Variants in MYO5A observed in about 807,000 individuals in gnomAD.
MYO5A encodes the protein unconventional myosin-Va.
MYO5A carries 98 observed loss-of-function variants against 249.7 expected under a neutral mutation model. The observed-to-expected ratio is 0.39, with a 90% CI of 0.33 to 0.46. The LOEUF (loss-of-function observed/expected upper bound fraction) is 0.46. Ranked by LOEUF, MYO5A falls within the 20% of genes least tolerant of loss-of-function variation. The pLI is 0.98. For synonymous variants in MYO5A, 778 were observed against 810.6 expected (o/e 0.96, Z 0.68); for missense variants, 1,696 against 2,308.8 (o/e 0.73, Z 5.44).
chr15:52,346,156 C>T (rs533774528), intron 30 of MYO5A, among the ~76,000 whole-genome samples: 1 of 152,208 alleles, frequency 6.6e-6, no homozygotes, highest in East Asian at 1.9e-4. Flanking sequence ...GCACATTTTC[C>T]CTGACACCTT....
At position 52,338,014 on chromosome 15, in the gene MYO5A, G is replaced by A. The variant is rs373578121; in HGVS notation, c.4240-130C>T. Reference sequence around the variant, plus strand: ...AAACTATATATACTTGAAAGGCTCTGATTTGTCACCTTCCATTACCCTTTT... The same window carrying A: ...AAACTATATATACTTGAAAGGCTCTAATTTGTCACCTTCCATTACCCTTTT... On this transcript the variant is annotated intron_variant, in intron 32 of 41. Transcript: ENST00000399233. 1.5e-3 allele frequency: 933 copies of A among 612,644 alleles called. 18 individuals are homozygous for A. The South Asian group carries it at 0.021, about 14-fold the overall frequency. The allele number at this position is 612,644 out of a possible 1,614,324, so 38.0% of individuals were successfully genotyped here. A position where few individuals can be genotyped will look rare whatever the true frequency, so the allele number is the denominator to read the frequency against.
intron 9 of MYO5A, among the ~76,000 whole-genome samples, chr15:52,402,938 T>C (rs2042827509): frequency 6.6e-6 from 1 of 152,180 alleles, no homozygotes; most frequent in South Asian, 2.1e-4. Flanking sequence ...TTGTAGTACT[T>C]ATAGCTATCA....
At chr15:52,337,756 G>A (rs909880416) in intron 33 of MYO5A, 54 bp downstream of exon 33, 2 of 1,326,370 alleles carry the variant, frequency 1.5e-6, no homozygotes, top group African/African-American at 1.5e-5. Flanking sequence ...TTCAGTTACA[G>A]AGGGCTATAA....
intron 12 of MYO5A, among the ~76,000 whole-genome samples, chr15:52,390,529 C>G (rs942323489): frequency 2.7e-5 from 4 of 148,892 alleles, no homozygotes; most frequent in Non-Finnish European, 4.5e-5. Context: ...TTTCCTCCAA[C>G]TTAATTATTT....
At chr15:52,481,392 T>C (rs2076711959) in intron 1 of MYO5A, among the ~76,000 whole-genome samples, 1 of 152,256 alleles carries the variant, frequency 6.6e-6, no homozygotes, top group Non-Finnish European at 1.5e-5. Flanking sequence ...GTGTATATTC[T>C]ATTTCATACA....
In MYO5A at chr15:52,311,384, G is replaced by A. The variant is rs1299971952; in HGVS notation, c.*2312C>T. On this transcript the variant is annotated 3_prime_UTR_variant, in exon 42 of 42. Coordinates refer to ENST00000399233, the MANE Select transcript of MYO5A (RefSeq NM_001382347.1). ...ATGCTGTTAGATTCTGACACATTTG[G>A]TACGAACCAAATGGCTATGACTTAA... The A allele has an allele frequency of 6.6e-6, 1 of 152,148 alleles. No individual in the cohort carries two copies. The highest frequency in any genetic ancestry group is 6.5e-5 in the Admixed American group (1 of 15,276). The allele number at this position is 152,148 out of a possible 1,614,324, so 9.4% of individuals were successfully genotyped here. A position where few individuals can be genotyped will look rare whatever the true frequency, so the allele number is the denominator to read the frequency against.
chr15:52,335,585 A>G (rs2039081254), intron 34 of MYO5A, among the ~76,000 whole-genome samples: 1 of 151,686 alleles, frequency 6.6e-6, no homozygotes, highest in Non-Finnish European at 1.5e-5. Context: ...CCCTGTACCT[A>G]TAACTCTTAA....
intron 11 of MYO5A, among the ~76,000 whole-genome samples, chr15:52,394,183 T>C (rs576632487): frequency 4.5e-4 from 68 of 152,330 alleles, no homozygotes; most frequent in African/African-American, 1.5e-3. Flanking sequence ...AACAGCCCTA[T>C]GCAATCAAGT....
At position 52,314,123 on chromosome 15, in the gene MYO5A, C is replaced by T. The variant is rs758686588; in HGVS notation, c.5490G>A (p.Gln1830=). 1 of 1,602,984 alleles carries T rather than the reference C, an allele frequency of 6.2e-7. No homozygotes were observed. The highest frequency in any genetic ancestry group is 8.5e-7 in the Non-Finnish European group (1 of 1,170,708). The change falls in exon 41 of 42, where the codon CAG becomes CAA. Residue 1830 remains glutamine (Q), a splice_region_variant and synonymous_variant. Transcript: ENST00000399233. ...RVSVSFIRTI[Q]MRLRDRKDSP... ...CAAAGAAGAAGATGGGAGCTCTTAC[C>T]TGTATAGTACGAATGAACGACACAG...
chr15:52,346,262 T>C, intron 30 of MYO5A, 99 bp downstream of exon 30: 2 of 748,062 alleles, frequency 2.7e-6, no homozygotes, highest in South Asian at 1.5e-5. Flanking sequence ...ATGTCTAATA[T>C]AAAGGAATGT....
intron 11 of MYO5A, among the ~76,000 whole-genome samples, chr15:52,395,169 C>T (rs1401445622): frequency 6.6e-6 from 1 of 152,156 alleles, no homozygotes; most frequent in East Asian, 1.9e-4. Flanking sequence ...TATTTACCTA[C>T]ATATTTCTAA....
chr15:52,333,985 A>G (rs2039003919), intron 34 of MYO5A, among the ~76,000 whole-genome samples: 1 of 152,336 alleles, frequency 6.6e-6, no homozygotes, highest in East Asian at 1.9e-4. Context: ...CATCCTCTAG[A>G]TATGTATCAC....
chr15:52,454,364 T>C (rs1165773264), intron 1 of MYO5A, among the ~76,000 whole-genome samples: 2 of 152,014 alleles, frequency 1.3e-5, no homozygotes, highest in African/African-American at 2.4e-5. Flanking sequence ...CAAGTATATA[T>C]AGCAAACATT....
intron 1 of MYO5A, among the ~76,000 whole-genome samples, chr15:52,453,799 A>G (rs1289855450): frequency 1.3e-5 from 2 of 152,178 alleles, no homozygotes; most frequent in African/African-American, 4.8e-5. Context: ...CCTTGACATA[A>G]CTTATTATAT....
chr15:52,409,541 C>T (rs148492174), intron 6 of MYO5A, among the ~76,000 whole-genome samples: 28 of 152,266 alleles, frequency 1.8e-4, no homozygotes, highest in African/African-American at 6.3e-4. Context: ...AATTCTCAGA[C>T]ACTTTCAAAC....
At chr15:52,385,975 A>G (rs1436708352) in intron 14 of MYO5A, among the ~76,000 whole-genome samples, 1 of 152,198 alleles carries the variant, frequency 6.6e-6, no homozygotes, top group African/African-American at 2.4e-5. Flanking sequence ...TCAAAAGCCA[A>G]TTAGAAAACT....
intron 23 of MYO5A, among the ~76,000 whole-genome samples, chr15:52,365,418 G>C (rs2040758380): frequency 6.6e-6 from 1 of 152,178 alleles, no homozygotes; most frequent in Non-Finnish European, 1.5e-5. Flanking sequence ...TTGGAGATTA[G>C]CCCTTGACTG....
At chr15:52,477,059 T>C (rs1478962962) in intron 1 of MYO5A, among the ~76,000 whole-genome samples, 2 of 152,228 alleles carry the variant, frequency 1.3e-5, no homozygotes, top group Non-Finnish European at 2.9e-5. Context: ...TCTTTTCACA[T>C]AGTCCCATAT....
intron 35 of MYO5A, 109 bp downstream of exon 35, chr15:52,330,244 T>C: frequency 7.2e-7 from 1 of 1,397,500 alleles, no homozygotes; most frequent in Admixed American, 1.7e-5. Context: ...TGGTATCTGA[T>C]GATGACTAAT....
Sources: allele counts gnomAD v4.1 joint callset (sites outside exome capture counted in the v4.1 genomes callset), GRCh38; gene constraint gnomAD v4.1.1; transcripts MANE v1.5; gene names NCBI Gene and HGNC (gene_info 2026-07-23, HGNC 2026-07-21).